The following TAF2 variants were observed in gnomAD, a reference collection of about 807,000 sequenced individuals.
TAF2 encodes TATA-box binding protein associated factor 2, also known as transcription initiation factor TFIID subunit 2.
Under a neutral mutation model 138.5 loss-of-function variants are expected in TAF2, and 61 were observed. That is an observed-to-expected ratio of 0.44 (90% CI 0.36 to 0.54). The LOEUF is 0.54. Ranked by LOEUF, TAF2 falls within the 20% of genes least tolerant of loss-of-function variation. The pLI, the probability that TAF2 is intolerant of heterozygous loss-of-function variation, is 0.00. For synonymous variants in TAF2, 475 were observed against 469.9 expected, an observed-to-expected ratio of 1.01 and a Z score of -0.14; for missense variants, 1,090 against 1,427.9, an observed-to-expected ratio of 0.76 and a Z score of 3.81.
chr8:119,793,628 A>C (rs917662687), intron 9 of TAF2, among the ~76,000 whole-genome samples, 177 bp from the exon 10 acceptor site: 1 of 152,226 alleles, frequency 6.6e-6, no homozygotes, highest in Non-Finnish European at 1.5e-5. Flanking sequence ...AGCAGCCTAC[A>C]CAGCTGGCAG....
intron 18 of TAF2, among the ~76,000 whole-genome samples, chr8:119,772,271 G>A (rs1586384358): frequency 6.6e-6 from 1 of 152,166 alleles, no homozygotes; most frequent in East Asian, 1.9e-4. Context: ...AGAAAATGTA[G>A]TCACAAAAAA....
chr8:119,771,887 G>C (rs948619837), intron 18 of TAF2, among the ~76,000 whole-genome samples: 1 of 152,098 alleles, frequency 6.6e-6, no homozygotes, highest in African/African-American at 2.4e-5. Flanking sequence ...CAGAATATAC[G>C]TTTTTCTCAT....
rs1437177271 is a variant in TAF2 at position 119,803,704 on chromosome 8, GA to G, written c.560+173del. ...GCAAGACTGTCTGAAAAAAAAAAAAGAAAAAAAAATTTTTTTTTAAGAGGAA... is the reference window on the plus strand; with the variant it reads ...GCAAGACTGTCTGAAAAAAAAAAAAGAAAAAAAATTTTTTTTTAAGAGGAA... On this transcript the variant is annotated intron_variant, in intron 5 of 25. Coordinates refer to ENST00000378164, the MANE Select transcript of TAF2 (RefSeq NM_003184.4). 1.1e-4 allele frequency among the ~76,000 whole-genome samples: 16 copies of G among 142,864 alleles called. No homozygotes were observed. In the South Asian group the frequency reaches 2.0e-3, roughly 18 times the overall value. The allele number at this position is 142,864 out of a possible 152,430, so 93.7% of individuals were successfully genotyped here.
chr8:119,759,097 G>C (rs974308941), intron 20 of TAF2, among the ~76,000 whole-genome samples: 2 of 152,016 alleles, frequency 1.3e-5, no homozygotes, highest in Non-Finnish European at 2.9e-5. Context: ...ATATTTGGTG[G>C]ATCTCAAAAC....
chr8:119,804,747 A>T (rs1357567176), intron 4 of TAF2, among the ~76,000 whole-genome samples: 1 of 152,148 alleles, frequency 6.6e-6, no homozygotes, highest in Non-Finnish European at 1.5e-5. Context: ...TAATACACTT[A>T]CTTTTCAAGT....
chr8:119,739,284 G>A (rs1033957716), intron 25 of TAF2, among the ~76,000 whole-genome samples: 5 of 152,114 alleles, frequency 3.3e-5, no homozygotes, highest in Non-Finnish European at 5.9e-5. Context: ...GGTGAGAAGG[G>A]AGAGAATATT....
At chr8:119,830,308 T>C (rs1240233869) in intron 2 of TAF2, among the ~76,000 whole-genome samples, 1 of 152,182 alleles carries the variant, frequency 6.6e-6, no homozygotes, top group African/African-American at 2.4e-5. Context: ...TTAATACACA[T>C]AAACCTTAGA....
At chr8:119,742,710 G>GA (rs201736530) in intron 24 of TAF2, 54 bp from the exon 25 acceptor site, 540 of 1,557,286 alleles carry the variant, frequency 3.5e-4, no homozygotes, top group East Asian at 6.1e-4. Context: ...TTTCCCAAAA[G>GA]AAAAAAAAAG....
chr8:119,756,200 T>C (rs1820692551), intron 21 of TAF2, 85 bp from the exon 22 acceptor site: 2 of 865,560 alleles, frequency 2.3e-6, no homozygotes, highest in Non-Finnish European at 3.8e-6. Context: ...ACTGAAAAAT[T>C]ATCTGTAGTT....
Position 119,730,864 on chromosome 8 carries a change from AATG to A in TAF2, c.*1057_*1059del, listed in dbSNP as rs1319819005. On this transcript the variant is annotated 3_prime_UTR_variant, in exon 26 of 26. Transcript: ENST00000378164. The stretch of plus-strand genomic sequence containing the variant: ...TTCAAGTATTTTTGTCAAACTTTCT[AATG>A]ATAAGGGGAATGATAAAAATTGAAC... 1 of 152,242 alleles carries A rather than the reference AATG, an allele frequency of 6.6e-6. No individual in the cohort carries two copies. The highest frequency in any genetic ancestry group is 1.5e-5 in the Non-Finnish European group (1 of 68,038). 9.4% of individuals were successfully genotyped at this position (152,242 alleles called of 1,614,324 possible).
At chr8:119,759,479 G>GT (rs1441618478) in intron 20 of TAF2, among the ~76,000 whole-genome samples, 6 of 152,110 alleles carry the variant, frequency 3.9e-5, no homozygotes, top group Non-Finnish European at 8.8e-5. Context: ...ATACTTTTAA[G>GT]TTTTTTACTC....
chr8:119,734,680 T>C (rs1250805766), intron 25 of TAF2, among the ~76,000 whole-genome samples: 1 of 152,198 alleles, frequency 6.6e-6, no homozygotes, highest in Non-Finnish European at 1.5e-5. Flanking sequence ...GGGGAAAATA[T>C]TGATAAACTA....
At chr8:119,812,718 G>GGTGTGTGTGTGTGTGTGTGTGTGT (rs201947539) in intron 3 of TAF2, among the ~76,000 whole-genome samples, 2 of 143,864 alleles carry the variant, frequency 1.4e-5, no homozygotes, top group Non-Finnish European at 3.0e-5. Flanking sequence ...AGTATTCCAT[G>GGTGTGTGTGTGTGTGTGTGTGTGT]GTGTGTGTGT....
intron 4 of TAF2, among the ~76,000 whole-genome samples, chr8:119,805,909 CT>C (rs11309224): frequency 0.31 from 44,683 of 143,950 alleles, 7,821 homozygotes; most frequent in African/African-American, 0.5. Flanking sequence ...TTTTGTTTTT[CT>C]TTTTTTTTTT....
At chr8:119,806,203 A>C in intron 4 of TAF2, 80 bp downstream of exon 4, 2 of 1,184,636 alleles carry the variant, frequency 1.7e-6, no homozygotes. Context: ...TGCCTGCATC[A>C]TTAGTTCTCA....
intron 2 of TAF2, among the ~76,000 whole-genome samples, chr8:119,824,061 G>C (rs768465199): frequency 5.9e-5 from 9 of 152,164 alleles, no homozygotes; most frequent in Non-Finnish European, 1.2e-4. Context: ...TGACTTGGGT[G>C]CTGTTAAAGG....
At chr8:119,788,982 A>G (rs1167297250) in intron 12 of TAF2, 78 bp from the exon 13 acceptor site, 3 of 999,720 alleles carry the variant, frequency 3.0e-6, no homozygotes, top group African/African-American at 1.6e-5. Context: ...CATGGTATTA[A>G]TAATTTTCAA....
At chr8:119,738,781 CCTG>C (rs1216441593) in intron 25 of TAF2, among the ~76,000 whole-genome samples, 2 of 152,026 alleles carry the variant, frequency 1.3e-5, no homozygotes, top group Admixed American at 6.6e-5. Context: ...CTGTGAATAA[CCTG>C]CTAATTCTAC....
intron 11 of TAF2, among the ~76,000 whole-genome samples, chr8:119,790,323 C>A (rs1823329445): frequency 1.3e-5 from 2 of 152,024 alleles, no homozygotes; most frequent in Admixed American, 6.6e-5. Flanking sequence ...GTAGTCCCGG[C>A]AACTCAGGAG....
Sources: gnomAD v4.1 joint callset for allele counts (sites outside exome capture counted in the v4.1 genomes callset) on GRCh38, gnomAD v4.1.1 for gene constraint, MANE v1.5 for transcripts, NCBI Gene and HGNC (gene_info 2026-07-23, HGNC 2026-07-21) for gene names.